SHPRH: variants seen among roughly 807,000 people sequenced by gnomAD.
SHPRH encodes E3 ubiquitin-protein ligase SHPRH.
SHPRH carries 106 observed loss-of-function variants against 202.5 expected under a neutral mutation model. The observed-to-expected ratio is 0.52, with a 90% CI of 0.45 to 0.62. SHPRH has a LOEUF of 0.62. Among genes scored for constraint, SHPRH ranks in the 20% least tolerant of loss-of-function variants. The probability of loss-of-function intolerance (pLI) is 0.00; values close to 1 mark genes in which losing one functional copy is unlikely to be tolerated. For synonymous variants in SHPRH, 729 were observed against 686.0 expected (o/e 1.06, Z -0.98); for missense variants, 1,710 against 2,020.0 (o/e 0.85, Z 2.94).
At chr6:145,883,704 G>C (rs1780757005), downstream of SHPRH, 1 of 152,218 alleles carries the variant, frequency 6.6e-6, no homozygotes, top group Admixed American at 6.5e-5. Context: ...TCATTTATCA[G>C]AGTAGACAGG....
intron 1 of SHPRH, among the ~76,000 whole-genome samples, chr6:145,962,508 T>C (rs1210991941): frequency 1.3e-5 from 2 of 152,220 alleles, no homozygotes; most frequent in Non-Finnish European, 2.9e-5. Context: ...CAGGGAAAAC[T>C]GCCTGAACTG....
chr6:145,954,859 G>C lies in SHPRH; in HGVS notation c.464C>G (p.Ser155Ter). The C allele has an allele frequency of 1.2e-6, 2 of 1,613,486 alleles. No individual in the cohort carries two copies. Among genetic ancestry groups the C allele is most frequent in the Non-Finnish European group, 1.7e-6 (2 of 1,179,830 alleles). ...TTGTTTCTCTACATCTTCACCTTTTGAATGAACATAAATCAGGAACTGATT... is the reference window on the plus strand; with the variant it reads ...TTGTTTCTCTACATCTTCACCTTTTCAATGAACATAAATCAGGAACTGATT... ...SSNQFLIYVH[S>*]KGEDVEKQKK... The change falls in exon 2 of 30, where the codon TCA (serine) becomes TGA (stop). Residue 155 changes from serine (S) to a stop codon, truncating the protein, a stop_gained. Transcript: ENST00000275233. LOFTEE classifies it high-confidence loss of function.
chr6:145,886,803 A>G lies in SHPRH; in HGVS notation c.4956-16T>C. 2 of 1,610,506 alleles carry G rather than the reference A, an allele frequency of 1.2e-6. No homozygotes were observed. Among genetic ancestry groups the G allele is most frequent in the Non-Finnish European group, 1.7e-6 (2 of 1,178,630 alleles). On this transcript the variant is annotated splice_polypyrimidine_tract_variant and intron_variant, in intron 29 of 29. Coordinates refer to ENST00000275233, the MANE Select transcript of SHPRH (RefSeq NM_001042683.3). ...GTTCGTGTGACTGCAAGGTTTCCCA[A>G]ATGAGCACAGTCAGAAAGAAACCCC... is the stretch of plus-strand genomic sequence containing the variant.
At chr6:145,879,925 A>G (rs974713142), downstream of SHPRH, among the ~76,000 whole-genome samples, 20 of 151,232 alleles carry the variant, frequency 1.3e-4, no homozygotes, top group Admixed American at 1.1e-3. Context: ...AAAAAAAAAA[A>G]AAAAAAAGGA....
At position 145,954,939 on chromosome 6, in the gene SHPRH, A is replaced by C. The variant is rs780403090; in HGVS notation, c.384T>G (p.Ser128Arg). The C allele has an allele frequency of 2.5e-5, 40 of 1,613,730 alleles. No homozygotes were observed. The highest frequency in any genetic ancestry group is 1.7e-5 in the Admixed American group (1 of 59,940). Residue 128 changes from serine (S) to arginine (R), a missense_variant, in exon 2 of 30, where the codon AGT becomes AGG. Physicochemically the swap from Ser to Arg is moderately radical, Grantham distance 110. Around this residue, in one of 8 missense-constraint regions of SHPRH, gnomAD observed 459 missense variants for 426.5 expected, o/e 1.08. Transcript: ENST00000275233. Reference sequence around the variant, plus strand: ...TCCTTTCGGAAAAATTTTCAATTAAACTCTGTGCAGGAAGAAGCTGAAGAG... The same window carrying C: ...TCCTTTCGGAAAAATTTTCAATTAACCTCTGTGCAGGAAGAAGCTGAAGAG... ...ELTLQLLPAQSLIENFSERSI... is the reference protein window; with the variant it reads ...ELTLQLLPAQRLIENFSERSI...
Position 145,886,683 on chromosome 6 carries a change from A to G in SHPRH, c.*8T>C, listed in dbSNP as rs558290648. The G allele has an allele frequency of 6.2e-7, 1 of 1,612,210 alleles. No individual in the cohort carries two copies. Among genetic ancestry groups the G allele is most frequent in the Non-Finnish European group, 8.5e-7 (1 of 1,179,356 alleles). On this transcript the variant is annotated 3_prime_UTR_variant, in exon 30 of 30. Coordinates refer to ENST00000275233, the MANE Select transcript of SHPRH (RefSeq NM_001042683.3). Reference sequence around the variant, plus strand: ...ACACTAAAGTCCATGGAATGAATCAAGTGTAGTTCATTCAAGCTCTTCAGT... The same window carrying G: ...ACACTAAAGTCCATGGAATGAATCAGGTGTAGTTCATTCAAGCTCTTCAGT...
chr6:145,946,166 A>C, intron 7 of SHPRH, 67 bp downstream of exon 7: 2 of 1,155,314 alleles, frequency 1.7e-6, no homozygotes, highest in Admixed American at 2.5e-5. Flanking sequence ...GATATCTCTA[A>C]GGATTGCAAG....
chr6:145,947,740 T>C (rs1350550212), intron 5 of SHPRH, 97 bp from the exon 6 acceptor site: 4 of 1,396,492 alleles, frequency 2.9e-6, no homozygotes, highest in Non-Finnish European at 2.9e-6. Context: ...AAGCAATGCA[T>C]AAAGTCTAAG....
In SHPRH at chr6:145,955,126, G is replaced by A; in HGVS notation, c.197C>T (p.Ala66Val). Reference sequence around the variant, plus strand: ...TGAACACCTCTTCTTATCTCTGTGAGCCACTTCTTCCTTTAGACTATCACT... The same window carrying A: ...TGAACACCTCTTCTTATCTCTGTGAACCACTTCTTCCTTTAGACTATCACT... ...ILSDSLKEEV[A>V]HRDKKRCSKV... Residue 66 changes from alanine to valine, a missense_variant, in exon 2 of 30, where the codon GCT (alanine) becomes GTT (valine). Around this residue, in one of 8 missense-constraint regions of SHPRH, gnomAD observed 459 missense variants for 426.5 expected, o/e 1.08. Transcript: ENST00000275233. The A allele has an allele frequency of 6.2e-7, 1 of 1,613,548 alleles. No homozygotes were observed. The highest frequency in any genetic ancestry group is 1.1e-5 in the South Asian group (1 of 91,082).
In SHPRH at chr6:145,922,800, TGTAA is replaced by T. The variant is rs1227239788; in HGVS notation, c.3578_3581del (p.Leu1193GlnfsTer7). The T allele has an allele frequency of 2.5e-6, 4 of 1,611,730 alleles. No individual in the cohort carries two copies. The highest frequency in any genetic ancestry group is 2.7e-5 in the African/African-American group (2 of 74,734). ...ATTTATTTAGCTCTTCCATTTGTGT[TGTAA>T]GTAAGAACTGAAGACCTCTGCAATC... On this transcript the variant is annotated frameshift_variant, in exon 19 of 30. Transcript: ENST00000275233. LOFTEE classifies it high-confidence loss of function.
downstream of SHPRH, among the ~76,000 whole-genome samples, chr6:145,863,398 T>C (rs1478454501): frequency 6.6e-6 from 1 of 152,238 alleles, no homozygotes; most frequent in Non-Finnish European, 1.5e-5. Context: ...AAGGAATGGA[T>C]GGATAAATGC....
chr6:145,898,411 T>C (rs918611564), intron 25 of SHPRH, among the ~76,000 whole-genome samples: 7 of 151,898 alleles, frequency 4.6e-5, no homozygotes, highest in African/African-American at 1.5e-4. Context: ...ACATAATCTA[T>C]AGACTCAATG....
chr6:145,915,001 G>A (rs765526517), intron 23 of SHPRH, among the ~76,000 whole-genome samples: 5 of 150,772 alleles, frequency 3.3e-5, no homozygotes, highest in South Asian at 2.1e-4. Context: ...ATATCCTTAC[G>A]GACTTTCTTG....
At position 145,943,517 on chromosome 6, in the gene SHPRH, C is replaced by G; in HGVS notation, c.1864G>C (p.Glu622Gln). ...TCTGTTTCATGTTCTTGGTTGAATT[C>G]AGAGATACATGTACTTTTAGACATA... ...VAMSKSTCISEFNQEHETEDC... is the reference protein window; with the variant it reads ...VAMSKSTCISQFNQEHETEDC... The change falls in exon 9 of 30, where the codon GAA becomes CAA. Residue 622 changes from glutamate to glutamine, a missense_variant. By Grantham distance (29) the Glu-to-Gln change is conservative. Around this residue, in one of 8 missense-constraint regions of SHPRH, gnomAD observed 348 missense variants for 356.9 expected, o/e 0.97. Coordinates refer to ENST00000275233, the MANE Select transcript of SHPRH (RefSeq NM_001042683.3). The G allele has an allele frequency of 6.2e-7, 1 of 1,613,940 alleles. No individual in the cohort carries two copies. The highest frequency in any genetic ancestry group is 8.5e-7 in the Non-Finnish European group (1 of 1,179,926).
chr6:145,913,433 T>C, intron 24 of SHPRH, 45 bp downstream of exon 24: 1 of 1,528,752 alleles, frequency 6.5e-7, no homozygotes, highest in East Asian at 2.3e-5. Context: ...CTTTGAAAAC[T>C]GTAAGGTATT....
At position 145,952,469 on chromosome 6, in the gene SHPRH, A is replaced by G. The variant is rs1788076076; in HGVS notation, c.643T>C (p.Tyr215His). ...TTTGCTAGGCCAGCTTCCAAAAGAT[A>G]AATTCCAACCTAAAAACAATTAATC... Reference protein sequence around the residue: ...EGNHIIKVGIYLLEAGLAKLD... With the variant: ...EGNHIIKVGIHLLEAGLAKLD... Residue 215 changes from tyrosine (Y) to histidine (H), a missense_variant, in exon 3 of 30, where the codon TAT (tyrosine) becomes CAT (histidine). Around this residue, in one of 8 missense-constraint regions of SHPRH, gnomAD observed 459 missense variants for 426.5 expected, o/e 1.08. Coordinates refer to ENST00000275233, the MANE Select transcript of SHPRH (RefSeq NM_001042683.3). The G allele has an allele frequency of 5.0e-6, 8 of 1,604,898 alleles. No individual in the cohort carries two copies. The highest frequency in any genetic ancestry group is 5.1e-6 in the Non-Finnish European group (6 of 1,176,224).
chr6:145,864,932 A>AACACAC lies in SHPRH; in HGVS notation c.222-447_222-442dup, dbSNP rs535717920. On this transcript the variant is annotated intron_variant, in intron 2 of 2. Coordinates refer to the SHPRH transcript ENST00000417762. ...TTGAAACTATCAAATAAAATTTATA[A>AACACAC]ACACACACACTCACACACACACACA... Among the ~76,000 whole-genome samples the AACACAC allele has an allele frequency of 8.5e-4, 114 of 133,952 alleles. 1 individual carries two copies. Among genetic ancestry groups the AACACAC allele is most frequent in the South Asian group, 5.2e-3 (21 of 4,014 alleles). 87.9% of individuals were successfully genotyped at this position (133,952 alleles called of 152,430 possible).
chr6:145,906,575 C>A (rs146690519), intron 25 of SHPRH: 33 of 152,122 alleles, frequency 2.2e-4, no homozygotes, highest in African/African-American at 7.0e-4. Flanking sequence ...TCTCCTATAT[C>A]TTCAGTCTAT....
chr6:145,879,595 G>A lies in SHPRH; in HGVS notation c.221+8425C>T, dbSNP rs543814641. Among the ~76,000 whole-genome samples, 11 of 152,080 alleles carry A rather than the reference G, an allele frequency of 7.2e-5. No individual in the cohort carries two copies. The South Asian group carries it at 1.5e-3, about 20-fold the overall frequency. ...GATAATCAAAACCGATCCTATAGGC[G>A]CCTCTTCTGTATTCAGTAGAAAAGG... On this transcript the variant is annotated intron_variant, in intron 2 of 2. Coordinates refer to the SHPRH transcript ENST00000417762.
Sources: allele counts gnomAD v4.1 joint callset (sites outside exome capture counted in the v4.1 genomes callset), GRCh38; gene constraint gnomAD v4.1.1; regional missense constraint gnomAD v4.1.1; transcripts MANE v1.5; gene names NCBI Gene and HGNC (gene_info 2026-07-23, HGNC 2026-07-21).